CHST9: variants seen among roughly 807,000 people sequenced by gnomAD.
CHST9 encodes the protein GalNAc-4-sulfotransferase 2.
In CHST9, 41 loss-of-function variants were observed where a neutral mutation model predicts 44.4. The ratio of observed to expected loss-of-function variants is 0.92; its 90% CI spans 0.72 to 1.20. The LOEUF is 1.20. CHST9 is among the 50% of genes most tolerant of loss of function. CHST9 has a pLI of 0.00. For missense variants in CHST9, 504 were observed against 516.5 expected (o/e 0.98, Z 0.23); for synonymous variants, 171 against 178.4 (o/e 0.96, Z 0.33).
rs545701914 is a variant in CHST9 at position 27,157,665 on chromosome 18, A to G, written c.-96-14760T>C. The stretch of plus-strand genomic sequence containing the variant: ...AAAAACCACACCAAACAGTGCTCAC[A>G]TTAAAATTCCAAAGTAACTGCCTAA... On this transcript the variant is annotated intron_variant, in intron 1 of 5. Transcript: ENST00000618847. 3.0e-4 allele frequency among the ~76,000 whole-genome samples: 45 copies of G among 152,328 alleles called. 1 individual carries two copies. The highest frequency in any genetic ancestry group is 2.8e-4 in the Non-Finnish European group (19 of 68,030).
chr18:26,965,378 G>A (rs185084884), intron 4 of CHST9, among the ~76,000 whole-genome samples: 10 of 152,302 alleles, frequency 6.6e-5, no homozygotes, highest in Non-Finnish European at 1.2e-4. Flanking sequence ...TTGTGTATGA[G>A]AACCTCAGTG....
intron 2 of CHST9, among the ~76,000 whole-genome samples, chr18:27,054,036 A>T (rs766415432): frequency 2.0e-5 from 3 of 152,142 alleles, no homozygotes; most frequent in African/African-American, 2.4e-5. Context: ...TCCTGACTGG[A>T]TGGTGGCTTC....
At chr18:26,968,192 C>T (rs756690280) in intron 4 of CHST9, among the ~76,000 whole-genome samples, 12 of 152,098 alleles carry the variant, frequency 7.9e-5, no homozygotes, top group Admixed American at 7.9e-4. Flanking sequence ...TTTGTTCTAT[C>T]CCTCCAGAGA....
chr18:27,131,813 C>T lies in CHST9; in HGVS notation c.121+10876G>A, dbSNP rs534659140. On this transcript the variant is annotated intron_variant, in intron 2 of 5. Transcript: ENST00000618847. ...GCCACTAATCTTGCTACACAGCATC[C>T]CTATTTTAATTTAAAACATTCCTTT... Among the ~76,000 whole-genome samples the T allele has an allele frequency of 2.6e-5, 4 of 152,334 alleles. No individual in the cohort carries two copies. In the South Asian group the frequency reaches 8.3e-4, roughly 32 times the overall value.
intron 4 of CHST9, among the ~76,000 whole-genome samples, chr18:26,961,349 T>C (rs1033245545): frequency 2.0e-5 from 3 of 152,326 alleles, no homozygotes; most frequent in South Asian, 4.1e-4. Context: ...TCAGAGGAGA[T>C]ATACTTTAGC....
intron 2 of CHST9, among the ~76,000 whole-genome samples, chr18:27,141,776 C>T (rs994126968): frequency 2.6e-4 from 38 of 148,882 alleles, no homozygotes; most frequent in African/African-American, 9.2e-4. Context: ...TGGGCCACAA[C>T]TGGAGACAAT....
intron 3 of CHST9, among the ~76,000 whole-genome samples, chr18:27,032,366 C>CT (rs1332083340): frequency 6.6e-6 from 1 of 152,164 alleles, no homozygotes; most frequent in Non-Finnish European, 1.5e-5. Flanking sequence ...TTCCTCTACT[C>CT]TGACAAAAGT....
At position 26,910,701 on chromosome 18, in the gene CHST9, T is replaced by C. The variant is rs2055429277; in HGVS notation, c.*5558A>G. 1 of 152,184 alleles carries C rather than the reference T, an allele frequency of 6.6e-6. No homozygotes were observed. Among genetic ancestry groups the C allele is most frequent in the Non-Finnish European group, 1.5e-5 (1 of 68,028 alleles). The allele number at this position is 152,184 out of a possible 1,614,324, so 9.4% of individuals were successfully genotyped here. On this transcript the variant is annotated 3_prime_UTR_variant, in exon 6 of 6. Transcript: ENST00000618847. ...CCAGATCTACCCCGTGGGCTGCCAA[T>C]GTATGGTCTCAGCTTTGGAGCCAGA... is the stretch of plus-strand genomic sequence containing the variant.
At chr18:27,028,349 C>A (rs1325567969) in intron 3 of CHST9, among the ~76,000 whole-genome samples, 5 of 152,156 alleles carry the variant, frequency 3.3e-5, no homozygotes, top group Admixed American at 2.6e-4. Flanking sequence ...TATGAACTAG[C>A]AAAACTGGCA....
chr18:27,098,778 G>T (rs756809486), intron 2 of CHST9, among the ~76,000 whole-genome samples: 40 of 150,708 alleles, frequency 2.7e-4, no homozygotes, highest in Non-Finnish European at 4.7e-4. Context: ...GCAAACTGCA[G>T]ATTCAACACT....
chr18:26,993,522 G>A (rs562598471), intron 4 of CHST9, among the ~76,000 whole-genome samples: 1 of 152,186 alleles, frequency 6.6e-6, no homozygotes, highest in South Asian at 2.1e-4. Flanking sequence ...CAAGCCACAA[G>A]TATTGCTACT....
chr18:27,132,698 T>A (rs371587192), intron 2 of CHST9, among the ~76,000 whole-genome samples: 9 of 152,258 alleles, frequency 5.9e-5, no homozygotes, highest in Non-Finnish European at 1.3e-4. Flanking sequence ...GAAAATGGGG[T>A]CCATTATGAG....
At chr18:26,927,309 G>A (rs2145075835) in intron 5 of CHST9, among the ~76,000 whole-genome samples, 1 of 152,206 alleles carries the variant, frequency 6.6e-6, no homozygotes, top group South Asian at 2.1e-4. Context: ...ACACCTGTGG[G>A]CGTTTCTCGT....
At chr18:27,091,434 T>C (rs1025972402) in intron 2 of CHST9, among the ~76,000 whole-genome samples, 8 of 152,204 alleles carry the variant, frequency 5.3e-5, no homozygotes, top group African/African-American at 1.9e-4. Context: ...GAATACCCTT[T>C]ATTTCTTCCT....
At chr18:26,940,144 G>A (rs189765043) in intron 5 of CHST9, among the ~76,000 whole-genome samples, 1 of 152,250 alleles carries the variant, frequency 6.6e-6, no homozygotes, top group East Asian at 1.9e-4. Flanking sequence ...TTGCCCAGAT[G>A]ACCCAGTTCA....
Position 26,991,652 on chromosome 18 carries a change from G to A in CHST9, c.202+32464C>T, listed in dbSNP as rs891499280. Among the ~76,000 whole-genome samples, 2 of 130,876 alleles carry A rather than the reference G, an allele frequency of 1.5e-5. 1 individual carries two copies. Among genetic ancestry groups the A allele is most frequent in the African/African-American group, 5.2e-5 (2 of 38,766 alleles). 85.9% of individuals were successfully genotyped at this position (130,876 alleles called of 152,430 possible). On this transcript the variant is annotated intron_variant, in intron 4 of 5. Coordinates refer to ENST00000618847, the MANE Select transcript of CHST9 (RefSeq NM_031422.6). ...CTAGGGAAACAGGAGGAAGCAGCAA[G>A]GAAACTAAGAAGCACCTGCCAGTGA...
At chr18:26,934,322 C>A (rs2055941252) in intron 5 of CHST9, 2 of 151,740 alleles carry the variant, frequency 1.3e-5, no homozygotes, top group Non-Finnish European at 2.9e-5. Flanking sequence ...GCAAGCTCCG[C>A]CTCCCGGGTT....
rs2058831954 is a variant in CHST9 at position 27,171,289 on chromosome 18, G to T, written c.-97+13847C>A. On this transcript the variant is annotated intron_variant, in intron 1 of 5. Transcript: ENST00000618847. ...GAGGCGCAGGCAAGAGGAAAGGGTG[G>T]GCATGGGGAGGACATGGATTAGGCA... 2.0e-5 allele frequency among the ~76,000 whole-genome samples: 3 copies of T among 152,240 alleles called. No individual in the cohort carries two copies. In the South Asian group the frequency reaches 6.2e-4, roughly 32 times the overall value.
intron 3 of CHST9, among the ~76,000 whole-genome samples, chr18:27,031,460 T>A (rs1337274873): frequency 6.6e-6 from 1 of 152,204 alleles, no homozygotes; most frequent in African/African-American, 2.4e-5. Context: ...TCATAATCAT[T>A]CTTTTTAGCT....
Sources: gnomAD v4.1 joint callset for allele counts (sites outside exome capture counted in the v4.1 genomes callset) on GRCh38, gnomAD v4.1.1 for gene constraint, MANE v1.5 for transcripts, NCBI Gene and HGNC (gene_info 2026-07-23, HGNC 2026-07-21) for gene names.